RECK: variants seen among roughly 807,000 people sequenced by gnomAD.
RECK encodes reversion-inducing cysteine-rich protein with Kazal motifs.
Under a neutral mutation model 115.1 loss-of-function variants are expected in RECK, and 69 were observed. That is an observed-to-expected ratio of 0.60 (90% confidence interval 0.49 to 0.73). The LOEUF (loss-of-function observed/expected upper bound fraction) is 0.73, where lower values mean the gene tolerates loss of function less well. Among genes scored for constraint, RECK ranks in the 30% least tolerant of loss-of-function variants. RECK has a pLI of 0.00. For synonymous variants in RECK, 414 were observed against 419.7 expected, an observed-to-expected ratio of 0.99 and a Z score of 0.17; for missense variants, 1,047 against 1,203.7, an observed-to-expected ratio of 0.87 and a Z score of 1.93.
At chr9:36,117,940 A>G (rs1471412968) in intron 17 of RECK, among the ~76,000 whole-genome samples, 1 of 152,158 alleles carries the variant, frequency 6.6e-6, no homozygotes, top group Non-Finnish European at 1.5e-5. Context: ...AGATCATGCC[A>G]TTGCACTCCA....
chr9:36,059,597 A>C lies in RECK; in HGVS notation c.235-522A>C, dbSNP rs60078570. Among the ~76,000 whole-genome samples, 1,325 of 152,282 alleles carry C rather than the reference A, an allele frequency of 8.7e-3. 20 individuals carry two copies. Among genetic ancestry groups the C allele is most frequent in the African/African-American group, 0.031 (1,272 of 41,538 alleles). Reference sequence around the variant, plus strand: ...TGGGATAAGGGAAAATATATGACTTATTATCTTCCAATTTTCTGACATACT... The same window carrying C: ...TGGGATAAGGGAAAATATATGACTTCTTATCTTCCAATTTTCTGACATACT... On this transcript the variant is annotated intron_variant, in intron 3 of 20. Coordinates refer to ENST00000377966, the MANE Select transcript of RECK (RefSeq NM_021111.3).
At chr9:36,107,771 C>G (rs988926606) in intron 13 of RECK, among the ~76,000 whole-genome samples, 2 of 152,152 alleles carry the variant, frequency 1.3e-5, no homozygotes, top group African/African-American at 4.8e-5. Context: ...TAATCACCAC[C>G]ATCCTCCAGA....
intron 13 of RECK, 116 bp downstream of exon 13, chr9:36,105,399 G>A (rs1823761321): frequency 2.0e-6 from 2 of 983,892 alleles, no homozygotes; most frequent in African/African-American, 3.3e-5. Context: ...GTTATCTTCG[G>A]AGTGAGATTA....
chr9:36,042,425 TG>T (rs1232462349), intron 1 of RECK, among the ~76,000 whole-genome samples: 1 of 36,394 alleles, frequency 2.7e-5, no homozygotes, highest in Admixed American at 2.9e-4. Flanking sequence ...TATTCCATAG[TG>T]TGTGTGTGTG....
chr9:36,067,213 T>G (rs1822040212), intron 6 of RECK, among the ~76,000 whole-genome samples: 1 of 152,144 alleles, frequency 6.6e-6, no homozygotes, highest in South Asian at 2.1e-4. Context: ...GTAAATTTGG[T>G]GTAATATAGC....
At chr9:36,105,443 A>C (rs981968006) in intron 13 of RECK, among the ~76,000 whole-genome samples, 160 bp downstream of exon 13, 14 of 152,190 alleles carry the variant, frequency 9.2e-5, no homozygotes, top group Non-Finnish European at 1.8e-4. Context: ...ATGTTTTTCT[A>C]TAATGTTTTG....
At chr9:36,109,056 T>G (rs550939632) in intron 14 of RECK, among the ~76,000 whole-genome samples, 2 of 152,006 alleles carry the variant, frequency 1.3e-5, no homozygotes, top group African/African-American at 4.8e-5. Flanking sequence ...ATTTCTGCCT[T>G]AGAGCAAGTC....
At chr9:36,112,803 T>A (rs1331793223) in intron 16 of RECK, among the ~76,000 whole-genome samples, 1 of 152,178 alleles carries the variant, frequency 6.6e-6, no homozygotes, top group African/African-American at 2.4e-5. Context: ...GAAGGCAGAC[T>A]AACAAGAGTC....
chr9:36,083,252 C>T (rs576674280), intron 7 of RECK, 113 bp from the exon 8 acceptor site: 2 of 1,111,594 alleles, frequency 1.8e-6, no homozygotes, highest in South Asian at 3.1e-5. Context: ...TCGTCTGTGG[C>T]ATGGTTTTAT....
intron 1 of RECK, among the ~76,000 whole-genome samples, chr9:36,037,326 CTTGG>C (rs986572270): frequency 6.6e-6 from 1 of 151,714 alleles, no homozygotes; most frequent in Non-Finnish European, 1.5e-5. Flanking sequence ...GGTTTGAGGC[CTTGG>C]TCTGTCACCC....
chr9:36,091,279 G>C lies in RECK; in HGVS notation c.1021G>C (p.Asp341His). 6.2e-7 allele frequency: 1 copy of C among 1,610,690 alleles called. No homozygotes were observed. Among genetic ancestry groups the C allele is most frequent in the South Asian group, 1.1e-5 (1 of 90,430 alleles). ...AGTGTCCATGTTGACCTGTTTAGCG[G>C]ATGTCCGGGAACCTTGCCAGTTGGG... ...VEVSMLTCLADVREPCQLGCR... is the reference protein window; with the variant it reads ...VEVSMLTCLAHVREPCQLGCR... Residue 341 changes from aspartate (D) to histidine (H), a missense_variant, in exon 10 of 21, where the codon GAT becomes CAT. Coordinates refer to ENST00000377966, the MANE Select transcript of RECK (RefSeq NM_021111.3).
At chr9:36,085,100 AT>A (rs201158270) in intron 8 of RECK, 134 of 162,924 alleles carry the variant, frequency 8.2e-4, no homozygotes, top group African/African-American at 3.0e-3. Context: ...AAAAAAGTAA[AT>A]CACAGAACTA....
intron 5 of RECK, among the ~76,000 whole-genome samples, chr9:36,064,131 A>G (rs193126651): frequency 8.9e-4 from 136 of 152,292 alleles, no homozygotes; most frequent in African/African-American, 2.3e-3. Flanking sequence ...AAAGAATATT[A>G]TAGGAATTTA....
At chr9:36,074,938 A>G (rs928478352) in intron 6 of RECK, among the ~76,000 whole-genome samples, 3 of 152,206 alleles carry the variant, frequency 2.0e-5, no homozygotes, top group Non-Finnish European at 4.4e-5. Context: ...AGCTGGGCAC[A>G]CTCATCTGTC....
At position 36,091,286 on chromosome 9, in the gene RECK, G is replaced by A. The variant is rs374907660; in HGVS notation, c.1028G>A (p.Arg343Gln). ...ATGTTGACCTGTTTAGCGGATGTCC[G>A]GGAACCTTGCCAGTTGGGCTGTAGA... ...VSMLTCLADV[R>Q]EPCQLGCRNL... is the part of the protein sequence containing the mutation. The change falls in exon 10 of 21, where the codon CGG becomes CAG. Residue 343 changes from arginine to glutamine, a missense_variant. Coordinates refer to ENST00000377966, the MANE Select transcript of RECK (RefSeq NM_021111.3). 2.6e-5 allele frequency: 42 copies of A among 1,606,410 alleles called. No individual in the cohort carries two copies. Among genetic ancestry groups the A allele is most frequent in the Non-Finnish European group, 3.3e-5 (39 of 1,177,330 alleles).
chr9:36,124,099 T>C lies in RECK; in HGVS notation c.*1054T>C, dbSNP rs1340621417. The C allele has an allele frequency of 6.6e-6, 1 of 152,670 alleles. No individual in the cohort carries two copies. The highest frequency in any genetic ancestry group is 1.5e-5 in the Non-Finnish European group (1 of 68,042). 9.5% of individuals were successfully genotyped at this position (152,670 alleles called of 1,614,324 possible). On this transcript the variant is annotated 3_prime_UTR_variant, in exon 21 of 21. Transcript: ENST00000377966. ...GAAGTATAAAGAATTGTGGTTTATA[T>C]ATTTAAAAGTGTCAAGCTGAGTATT...
Position 36,117,079 on chromosome 9 carries a change from G to T in RECK, c.2155G>T (p.Val719Phe), listed in dbSNP as rs903426796. ...ACCAAGACAGCTCGCGTGTGACCAGGTCCAAGATCCTGTTTGTGACACAGA... is the reference window on the plus strand; with the variant it reads ...ACCAAGACAGCTCGCGTGTGACCAGTTCCAAGATCCTGTTTGTGACACAGA... ...CVPRQLACDQ[V>F]QDPVCDTDHM... The change falls in exon 17 of 21, where the codon GTC (valine) becomes TTC (phenylalanine). Residue 719 changes from valine to phenylalanine, a missense_variant. Coordinates refer to ENST00000377966, the MANE Select transcript of RECK (RefSeq NM_021111.3). 2 of 1,613,998 alleles carry T rather than the reference G, an allele frequency of 1.2e-6. No individual in the cohort carries two copies. The highest frequency in any genetic ancestry group is 2.7e-5 in the African/African-American group (2 of 74,886).
At chr9:36,120,817 C>A in intron 19 of RECK, 81 bp downstream of exon 19, 1 of 967,496 alleles carries the variant, frequency 1.0e-6, no homozygotes, top group East Asian at 2.4e-5. Context: ...ATGTGTTGTC[C>A]TCATTCATAG....
chr9:36,097,719 A>G (rs540863498), intron 10 of RECK, among the ~76,000 whole-genome samples: 2 of 152,294 alleles, frequency 1.3e-5, no homozygotes, highest in African/African-American at 4.8e-5. Flanking sequence ...TTGAAGAGAT[A>G]TTTCACTCCC....
Sources: gnomAD v4.1 joint callset for allele counts (sites outside exome capture counted in the v4.1 genomes callset) on GRCh38, gnomAD v4.1.1 for gene constraint, MANE v1.5 for transcripts, NCBI Gene and HGNC (gene_info 2026-07-23, HGNC 2026-07-21) for gene names.